ELF5: variants seen among roughly 807,000 people sequenced by gnomAD.
ELF5 encodes the protein E74 like ETS transcription factor 5, also known as ETS-related transcription factor Elf-5.
A neutral mutation model predicts 38.2 loss-of-function variants in ELF5; 31 were observed. That is an observed-to-expected ratio of 0.81 (90% CI 0.61 to 1.10). The LOEUF (loss-of-function observed/expected upper bound fraction) is 1.10, where lower values mean the gene tolerates loss of function less well. ELF5 is among the 50% of genes least tolerant of loss of function. The probability of loss-of-function intolerance (pLI) is 0.00; values close to 1 mark genes in which losing one functional copy is unlikely to be tolerated. For synonymous variants in ELF5, 121 were observed against 112.5 expected (o/e 1.08, Z -0.48); for missense variants, 300 against 306.6 (o/e 0.98, Z 0.16).
intron 1 of ELF5, among the ~76,000 whole-genome samples, chr11:34,513,387 T>G (rs1464235784): frequency 6.6e-6 from 1 of 152,258 alleles, no homozygotes; most frequent in East Asian, 1.9e-4. Flanking sequence ...GATAGAGAAC[T>G]GAGCGCCTGG....
chr11:34,480,267 A>G lies in ELF5; in HGVS notation c.719T>C (p.Val240Ala). 1 of 1,614,104 alleles carries G rather than the reference A, an allele frequency of 6.2e-7. No individual in the cohort carries two copies. The change falls in exon 7 of 7, where the codon GTG (valine) becomes GCG (alanine). Residue 240 changes from valine (V) to alanine (A), a missense_variant. Coordinates refer to ENST00000257832, the MANE Select transcript of ELF5 (RefSeq NM_001422.4). ...GILERVDRRL[V>A]YKFGKNAHGW... ...GTGTGCATTTTTTCCAAATTTGTAC[A>G]CTAACCTTCGGTCAACCCGCTCCAA...
At chr11:34,493,150 C>G in intron 3 of ELF5, 1 of 492,590 alleles carries the variant, frequency 2.0e-6, no homozygotes, top group Non-Finnish European at 3.6e-6. Flanking sequence ...AAGCACAAAC[C>G]TCTTTTTTGT....
intron 4 of ELF5, among the ~76,000 whole-genome samples, chr11:34,483,194 T>C (rs536192514): frequency 2.8e-4 from 42 of 152,154 alleles, no homozygotes; most frequent in African/African-American, 8.9e-4. Flanking sequence ...TGGATACTTG[T>C]GGTGCACGCC....
At chr11:34,488,928 C>T (rs11032725) in intron 4 of ELF5, among the ~76,000 whole-genome samples, 2,429 of 152,308 alleles carry the variant, frequency 0.016, 29 homozygotes, top group Non-Finnish European at 0.026. Context: ...TTACATCCCC[C>T]AGGCTGCTGC....
intron 6 of ELF5, 72 bp downstream of exon 6, chr11:34,480,700 G>A (rs1590317551): frequency 1.3e-6 from 2 of 1,521,060 alleles, no homozygotes; most frequent in Non-Finnish European, 1.8e-6. Flanking sequence ...CAAAAACAGT[G>A]TAATTTTCTA....
Position 34,480,313 on chromosome 11 carries a change from A to G in ELF5, c.673T>C (p.Tyr225His), listed in dbSNP as rs778916613. Residue 225 changes from tyrosine to histidine, a missense_variant and splice_region_variant, in exon 7 of 7, where the codon TAC (tyrosine) becomes CAC (histidine). By Grantham distance (83) the Tyr-to-His change is moderately conservative. Coordinates refer to ENST00000257832, the MANE Select transcript of ELF5 (RefSeq NM_001422.4). ...TYEKLSRALRYYYKTGILERV... is the reference protein window; with the variant it reads ...TYEKLSRALRHYYKTGILERV... Reference sequence around the variant, plus strand: ...TCCAAAATTCCTGTTTTATAGTAGTATCTGAAAAAGCAAGCAGAAGAGAAA... The same window carrying G: ...TCCAAAATTCCTGTTTTATAGTAGTGTCTGAAAAAGCAAGCAGAAGAGAAA... 1 of 1,613,486 alleles carries G rather than the reference A, an allele frequency of 6.2e-7. No homozygotes were observed. The highest frequency in any genetic ancestry group is 1.1e-5 in the South Asian group (1 of 91,038).
At chr11:34,482,357 C>T in intron 5 of ELF5, 74 bp downstream of exon 5, 1 of 1,391,284 alleles carries the variant, frequency 7.2e-7, no homozygotes, top group Non-Finnish European at 1.0e-6. Context: ...AGTTTCAAAG[C>T]TTATTAAAGT....
chr11:34,496,105 T>A (rs972673046), intron 2 of ELF5, among the ~76,000 whole-genome samples: 1 of 152,206 alleles, frequency 6.6e-6, no homozygotes, highest in East Asian at 1.9e-4. Context: ...CTTTGGCACT[T>A]GAAGAGGGCC....
intron 1 of ELF5, among the ~76,000 whole-genome samples, chr11:34,506,195 T>C (rs541110039): frequency 1.3e-5 from 2 of 152,344 alleles, no homozygotes; most frequent in African/African-American, 4.8e-5. Context: ...GTAACACAGA[T>C]GCAGCTGGAG....
intron 2 of ELF5, among the ~76,000 whole-genome samples, chr11:34,495,896 T>A (rs1850304209): frequency 6.6e-6 from 1 of 152,218 alleles, no homozygotes; most frequent in Non-Finnish European, 1.5e-5. Context: ...TTAGTAAACC[T>A]GAGGGGCCTT....
intron 4 of ELF5, among the ~76,000 whole-genome samples, chr11:34,489,314 C>T (rs1209027611): frequency 1.3e-5 from 2 of 152,118 alleles, no homozygotes; most frequent in Non-Finnish European, 2.9e-5. Context: ...CCTCAGAGGC[C>T]TTGGAAATCA....
intron 3 of ELF5, chr11:34,493,147 A>C (rs1159965283): frequency 4.0e-6 from 2 of 495,728 alleles, no homozygotes; most frequent in Non-Finnish European, 7.2e-6. Context: ...ATGAAGCACA[A>C]ACCTCTTTTT....
chr11:34,493,021 C>T (rs1450763214), intron 3 of ELF5: 1 of 207,840 alleles, frequency 4.8e-6, no homozygotes, highest in Non-Finnish European at 9.9e-6. Context: ...TTGGCGCCAC[C>T]TTCTGGCCAC....
At chr11:34,509,282 C>T (rs980855810) in intron 1 of ELF5, among the ~76,000 whole-genome samples, 14 of 152,048 alleles carry the variant, frequency 9.2e-5, no homozygotes, top group South Asian at 4.2e-4. Context: ...GAGCTGAGAT[C>T]GTGCCACTGC....
chr11:34,503,470 T>A (rs1728951222), intron 2 of ELF5, among the ~76,000 whole-genome samples: 1 of 142,496 alleles, frequency 7.0e-6, no homozygotes, highest in Admixed American at 7.0e-5. Flanking sequence ...CCCAACCTTT[T>A]TTTTTTATCT....
At position 34,510,920 on chromosome 11, in the gene ELF5, C is replaced by A. The variant is rs145547386; in HGVS notation, c.-5+2757G>T. Among the ~76,000 whole-genome samples, 976 of 152,286 alleles carry A rather than the reference C, an allele frequency of 6.4e-3. 4 individuals carry two copies. The highest frequency in any genetic ancestry group is 0.01 in the Non-Finnish European group (692 of 68,008). On this transcript the variant is annotated intron_variant, in intron 1 of 6. Coordinates refer to ENST00000257832, the MANE Select transcript of ELF5 (RefSeq NM_001422.4). ...CTGGGAGGTCTCTTGGCCTGCTGTT[C>A]TGGACATACTTTTCATTTTGTGAGG...
intron 2 of ELF5, among the ~76,000 whole-genome samples, chr11:34,505,289 G>C (rs1241466194): frequency 3.3e-5 from 5 of 152,168 alleles, no homozygotes; most frequent in Non-Finnish European, 7.3e-5. Flanking sequence ...AGCATACCAG[G>C]TCCTGGGCTA....
At chr11:34,512,686 A>G (rs897659872) in intron 1 of ELF5, among the ~76,000 whole-genome samples, 1 of 152,022 alleles carries the variant, frequency 6.6e-6, no homozygotes, top group Non-Finnish European at 1.5e-5. Context: ...TCAACAATGT[A>G]TCTAAAAATT....
At chr11:34,506,256 C>A (rs1240052499) in intron 1 of ELF5, among the ~76,000 whole-genome samples, 1 of 152,178 alleles carries the variant, frequency 6.6e-6, no homozygotes, top group Non-Finnish European at 1.5e-5. Flanking sequence ...TATACCTCAT[C>A]TTCTCACTTA....
Sources: gnomAD v4.1 joint callset for allele counts (sites outside exome capture counted in the v4.1 genomes callset) on GRCh38, gnomAD v4.1.1 for gene constraint, MANE v1.5 for transcripts, NCBI Gene and HGNC (gene_info 2026-07-23, HGNC 2026-07-21) for gene names.